SPON1: variants seen among roughly 807,000 people sequenced by gnomAD.
SPON1 encodes the protein spondin 1, also known as spondin-1.
In SPON1, 52 loss-of-function variants were observed where a neutral mutation model predicts 111.7. The ratio of observed to expected loss-of-function variants is 0.47; its 90% CI spans 0.37 to 0.59. The LOEUF is 0.59. SPON1 is among the 20% of genes least tolerant of loss of function. The pLI is 0.00. For missense variants in SPON1, 957 were observed against 1,068.5 expected, an observed-to-expected ratio of 0.90 and a Z score of 1.46; for synonymous variants, 410 against 395.8, an observed-to-expected ratio of 1.04 and a Z score of -0.43.
intron 5 of SPON1, among the ~76,000 whole-genome samples, chr11:14,101,525 CCCT>C (rs1404336798): frequency 1.3e-5 from 2 of 151,264 alleles, no homozygotes; most frequent in African/African-American, 4.9e-5. Flanking sequence ...CAAATATTTC[CCCT>C]CCTCCTTTTT....
chr11:14,160,535 T>TTA (rs1169595465), intron 6 of SPON1, among the ~76,000 whole-genome samples: 1,531 of 11,910 alleles, frequency 0.13, 431 homozygotes, highest in African/African-American at 0.17. Flanking sequence ...ATATATATAT[T>TTA]TATATATATA....
intron 6 of SPON1, among the ~76,000 whole-genome samples, chr11:14,226,925 T>G (rs1006685722): frequency 6.6e-6 from 1 of 152,216 alleles, no homozygotes; most frequent in South Asian, 2.1e-4. Flanking sequence ...TCTGCTTCCA[T>G]TATCACAGTA....
intron 6 of SPON1, among the ~76,000 whole-genome samples, chr11:14,173,250 C>G (rs1206660273): frequency 3.9e-5 from 6 of 152,140 alleles, no homozygotes; most frequent in African/African-American, 1.4e-4. Context: ...ATTTCGTCTT[C>G]CATCGCTGAT....
At chr11:14,034,843 C>T (rs1277877855) in intron 2 of SPON1, among the ~76,000 whole-genome samples, 4 of 152,156 alleles carry the variant, frequency 2.6e-5, no homozygotes, top group Admixed American at 2.6e-4. Flanking sequence ...AATGTTAACT[C>T]GATATGAGTG....
At chr11:14,011,040 C>T (rs567101144) in intron 2 of SPON1, among the ~76,000 whole-genome samples, 16 of 152,202 alleles carry the variant, frequency 1.1e-4, no homozygotes, top group African/African-American at 3.9e-4. Flanking sequence ...TTACATTTTC[C>T]TAATTAGTGT....
In SPON1 at chr11:14,136,571, C is replaced by T. The variant is rs144613222; in HGVS notation, c.825+1003C>T. 4.5e-3 allele frequency among the ~76,000 whole-genome samples: 688 copies of T among 152,272 alleles called. 4 individuals are homozygous for T. The highest frequency in any genetic ancestry group is 7.8e-3 in the Non-Finnish European group (530 of 68,026). ...GCACAGCTGAGGCCCGCAGTGTTCC[C>T]CACCATCTGGACTCCAAGCTGCCCA... On this transcript the variant is annotated intron_variant, in intron 6 of 15. Coordinates refer to ENST00000576479, the MANE Select transcript of SPON1 (RefSeq NM_006108.4).
chr11:14,102,492 C>A (rs1849151606), intron 5 of SPON1, among the ~76,000 whole-genome samples: 1 of 152,156 alleles, frequency 6.6e-6, no homozygotes, highest in African/African-American at 2.4e-5. Flanking sequence ...TTCAGACTAG[C>A]CACATTTCAA....
chr11:14,132,039 G>A (rs1554927557), intron 5 of SPON1, among the ~76,000 whole-genome samples: 5 of 152,228 alleles, frequency 3.3e-5, no homozygotes, highest in African/African-American at 1.2e-4. Flanking sequence ...AACACTGTGG[G>A]AGGCCAAGGC....
chr11:14,075,505 C>A (rs1252478438), intron 4 of SPON1, 87 bp downstream of exon 4: 2 of 993,608 alleles, frequency 2.0e-6, no homozygotes, highest in Non-Finnish European at 1.5e-6. Flanking sequence ...AGAATTAAGG[C>A]CCCTGGGCTT....
chr11:14,081,582 C>G (rs1345920286), intron 5 of SPON1, among the ~76,000 whole-genome samples: 1 of 151,980 alleles, frequency 6.6e-6, no homozygotes, highest in African/African-American at 2.4e-5. Context: ...TGCCCATTCT[C>G]TCTGTGGGTG....
chr11:14,018,636 C>T (rs1848459758), intron 2 of SPON1, among the ~76,000 whole-genome samples: 1 of 152,118 alleles, frequency 6.6e-6, no homozygotes, highest in Non-Finnish European at 1.5e-5. Context: ...CAGAGATCTG[C>T]AGAGCATGCT....
chr11:14,265,160 G>A lies in SPON1; in HGVS notation c.2261-364G>A, dbSNP rs553094661. 7.9e-5 allele frequency among the ~76,000 whole-genome samples: 12 copies of A among 152,236 alleles called. No individual in the cohort carries two copies. In the East Asian group the frequency reaches 2.3e-3, roughly 29 times the overall value. The stretch of plus-strand genomic sequence containing the variant: ...CTCATGAGATGGCTGGGGCTTCTCT[G>A]CACATGGTCTCTCCAGTGGTCTAGC... On this transcript the variant is annotated intron_variant, in intron 15 of 15. Coordinates refer to ENST00000576479, the MANE Select transcript of SPON1 (RefSeq NM_006108.4).
At chr11:13,964,862 G>A (rs1554907887) in intron 1 of SPON1, among the ~76,000 whole-genome samples, 1 of 152,290 alleles carries the variant, frequency 6.6e-6, no homozygotes, top group Non-Finnish European at 1.5e-5. Flanking sequence ...GTTCACAGGG[G>A]AAACTGTCCC....
intron 3 of SPON1, among the ~76,000 whole-genome samples, chr11:14,049,175 C>T (rs1272092434): frequency 6.6e-6 from 1 of 152,212 alleles, no homozygotes; most frequent in Non-Finnish European, 1.5e-5. Context: ...CTGTGATCTT[C>T]ATACTGTACT....
At chr11:14,060,897 C>A (rs1848786482) in intron 3 of SPON1, among the ~76,000 whole-genome samples, 1 of 151,304 alleles carries the variant, frequency 6.6e-6, no homozygotes, top group African/African-American at 2.4e-5. Flanking sequence ...CAACGGTGAA[C>A]AAGAGTGAGT....
chr11:14,237,648 G>C (rs144957828), intron 6 of SPON1, among the ~76,000 whole-genome samples: 4 of 152,366 alleles, frequency 2.6e-5, no homozygotes, highest in African/African-American at 9.6e-5. Flanking sequence ...GTGTGTGGCT[G>C]CGTATCACTG....
intron 6 of SPON1, among the ~76,000 whole-genome samples, chr11:14,218,537 T>C (rs913556867): frequency 2.0e-5 from 3 of 152,098 alleles, no homozygotes; most frequent in Non-Finnish European, 4.4e-5. Context: ...AATAAATGAG[T>C]GGTGAATGAA....
chr11:14,239,231 A>G (rs1554939467), intron 6 of SPON1, among the ~76,000 whole-genome samples: 1 of 152,238 alleles, frequency 6.6e-6, no homozygotes, highest in African/African-American at 2.4e-5. Context: ...GCGCAAGTCA[A>G]TTCTGATATG....
chr11:14,262,765 T>C lies in SPON1; in HGVS notation c.2050T>C (p.Cys684Arg). ...WSQWSECNKS[C>R]GKGHVIRTRM... The stretch of plus-strand genomic sequence containing the variant: ...CCAGTGGTCGGAATGTAACAAGTCA[T>C]GTGGGAAAGGCCACGTGATTCGAAC... The change falls in exon 15 of 16, where the codon TGT becomes CGT. Residue 684 changes from cysteine (C) to arginine (R), a missense_variant. Physicochemically the swap from Cys to Arg is radical, Grantham distance 180. This residue lies in a region of SPON1 where 549 missense variants were observed against 606.2 expected (regional missense o/e 0.91). Transcript: ENST00000576479. 1 of 1,613,934 alleles carries C rather than the reference T, an allele frequency of 6.2e-7. No homozygotes were observed. Among genetic ancestry groups the C allele is most frequent in the Non-Finnish European group, 8.5e-7 (1 of 1,179,874 alleles).
Sources: gnomAD v4.1 joint callset for allele counts (sites outside exome capture counted in the v4.1 genomes callset) on GRCh38, gnomAD v4.1.1 for gene constraint, gnomAD v4.1.1 regional missense constraint, MANE v1.5 for transcripts, NCBI Gene and HGNC (gene_info 2026-07-23, HGNC 2026-07-21) for gene names.